Variants in TENM2 observed in about 807,000 individuals in gnomAD.
TENM2 encodes the protein teneurin-2.
A neutral mutation model predicts 245.2 loss-of-function variants in TENM2; 52 were observed. That is an observed-to-expected ratio of 0.21 (90% confidence interval 0.17 to 0.27). TENM2 has a LOEUF of 0.27. Ranked by LOEUF, TENM2 falls within the 10% of genes least tolerant of loss-of-function variation. The pLI is 1.00. For synonymous variants in TENM2, 1,363 were observed against 1,438.9 expected (o/e 0.95, Z 1.19); for missense variants, 3,046 against 3,666.8 (o/e 0.83, Z 4.37).
Position 167,882,405 on chromosome 5 carries a change from A to G in TENM2, c.712+6210A>G, listed in dbSNP as rs185403077. Among the ~76,000 whole-genome samples, 3 of 152,294 alleles carry G rather than the reference A, an allele frequency of 2.0e-5. No homozygotes were observed. The East Asian group carries it at 5.8e-4, about 29-fold the overall frequency. ...GGGAAGCTCTAAAGTGAAAGTTGGA[A>G]AACTTGAGTTTTCTTCACACTGCTC... On this transcript the variant is annotated intron_variant, in intron 3 of 28. Coordinates refer to ENST00000518659, the Ensembl canonical transcript of TENM2.
intron 1 of TENM2, among the ~76,000 whole-genome samples, chr5:167,349,704 AG>A (rs1758702970): frequency 1.3e-5 from 2 of 152,152 alleles, no homozygotes; most frequent in African/African-American, 4.8e-5. Flanking sequence ...ATATGTATAT[AG>A]CCTGTTACTT....
At chr5:167,625,353 A>AT (rs1474347594) in intron 2 of TENM2, among the ~76,000 whole-genome samples, 3 of 151,894 alleles carry the variant, frequency 2.0e-5, no homozygotes, top group Non-Finnish European at 4.4e-5. Flanking sequence ...TACTATTCAG[A>AT]TTTTTTTTCA....
chr5:167,652,817 T>G (rs555131821), intron 2 of TENM2, among the ~76,000 whole-genome samples: 1 of 152,188 alleles, frequency 6.6e-6, no homozygotes, highest in African/African-American at 2.4e-5. Flanking sequence ...CTCTGAGTCA[T>G]CTAACTTCTC....
the TENM2 span, among the ~76,000 whole-genome samples, chr5:167,131,932 C>T: frequency 6.6e-6 from 1 of 152,160 alleles, no homozygotes; most frequent in South Asian, 2.1e-4. Context: ...AAGCAATTCT[C>T]CTGCCTCAGC....
chr5:168,125,352 CAG>C (rs375667524), intron 11 of TENM2, among the ~76,000 whole-genome samples: 5 of 152,216 alleles, frequency 3.3e-5, no homozygotes, highest in African/African-American at 7.2e-5. Flanking sequence ...GAAAACAAAA[CAG>C]AACATTTCAG....
intron 27 of TENM2, among the ~76,000 whole-genome samples, chr5:168,255,842 G>T (rs2152710119): frequency 6.6e-6 from 1 of 151,954 alleles, no homozygotes; most frequent in African/African-American, 2.4e-5. Flanking sequence ...GTCTCACTCT[G>T]TCTCCCAGGC....
intron 2 of TENM2, among the ~76,000 whole-genome samples, chr5:167,682,616 T>C (rs912898853): frequency 6.6e-6 from 1 of 152,184 alleles, no homozygotes; most frequent in Non-Finnish European, 1.5e-5. Context: ...TTCATAGTAT[T>C]GGTGTTCCTT....
chr5:167,776,893 C>T (rs1300623645), intron 2 of TENM2, among the ~76,000 whole-genome samples: 3 of 152,034 alleles, frequency 2.0e-5, no homozygotes. Flanking sequence ...CAGTTGTATC[C>T]ATACCTAATT....
chr5:167,416,211 G>A (rs943426591), intron 2 of TENM2, among the ~76,000 whole-genome samples: 1 of 152,164 alleles, frequency 6.6e-6, no homozygotes, highest in Non-Finnish European at 1.5e-5. Context: ...GTGTGTGGAT[G>A]CCTTTATTGT....
chr5:167,079,644 C>T, the TENM2 span, among the ~76,000 whole-genome samples: 1 of 151,612 alleles, frequency 6.6e-6, no homozygotes, highest in African/African-American at 2.4e-5. Flanking sequence ...ATTTTATATA[C>T]ATACATAATA....
chr5:167,181,902 G>A, the TENM2 span, among the ~76,000 whole-genome samples: 2 of 152,246 alleles, frequency 1.3e-5, no homozygotes, highest in East Asian at 3.9e-4. Context: ...TAGAATTAAA[G>A]CACTTTTCCT....
At chr5:167,671,723 C>T (rs1419986255) in intron 2 of TENM2, among the ~76,000 whole-genome samples, 3 of 150,392 alleles carry the variant, frequency 2.0e-5, no homozygotes, top group Non-Finnish European at 4.4e-5. Context: ...TAAATAAAAT[C>T]TTTAGCTACA....
intron 2 of TENM2, among the ~76,000 whole-genome samples, chr5:167,452,507 A>T (rs530136986): frequency 1.3e-5 from 2 of 152,298 alleles, no homozygotes; most frequent in South Asian, 4.1e-4. Flanking sequence ...CAAGGATGCC[A>T]TAGTTTTCCA....
intron 1 of TENM2, among the ~76,000 whole-genome samples, chr5:167,361,206 T>G (rs1004339468): frequency 6.6e-6 from 1 of 152,176 alleles, no homozygotes; most frequent in Non-Finnish European, 1.5e-5. Context: ...TAAATTGATT[T>G]TTTTAAGGAA....
chr5:168,005,810 G>A (rs765396605), intron 5 of TENM2, among the ~76,000 whole-genome samples: 1 of 152,192 alleles, frequency 6.6e-6, no homozygotes, highest in East Asian at 1.9e-4. Flanking sequence ...CAAGTGGGGT[G>A]CAGACCCTAA....
chr5:167,909,328 T>C (rs1776366112), intron 3 of TENM2, among the ~76,000 whole-genome samples: 1 of 152,196 alleles, frequency 6.6e-6, no homozygotes, highest in Non-Finnish European at 1.5e-5. Flanking sequence ...CTTTGTTCTG[T>C]TGCATAATGT....
chr5:167,122,125 C>A, the TENM2 span, among the ~76,000 whole-genome samples: 3 of 152,112 alleles, frequency 2.0e-5, no homozygotes, highest in Non-Finnish European at 4.4e-5. Flanking sequence ...ATTGCACACA[C>A]CTTAATTTAC....
intron 3 of TENM2, among the ~76,000 whole-genome samples, chr5:167,909,783 A>G (rs535473658): frequency 1.3e-5 from 2 of 152,354 alleles, no homozygotes; most frequent in African/African-American, 4.8e-5. Context: ...TATTTTGAAG[A>G]GAGAAACATA....
the TENM2 span, among the ~76,000 whole-genome samples, chr5:167,138,306 T>G: frequency 6.6e-6 from 1 of 152,200 alleles, no homozygotes; most frequent in Non-Finnish European, 1.5e-5. Context: ...AAGAAGATCA[T>G]GAATATGTTT....
Sources: gnomAD v4.1 joint callset for allele counts (sites outside exome capture counted in the v4.1 genomes callset) on GRCh38, gnomAD v4.1.1 for gene constraint, MANE v1.5 for transcripts, NCBI Gene and HGNC (gene_info 2026-07-23, HGNC 2026-07-21) for gene names.